Variants in GABPA observed in about 807,000 individuals in gnomAD.
GABPA encodes GA binding protein transcription factor subunit alpha.
A neutral mutation model predicts 59.4 loss-of-function variants in GABPA; 4 were observed. That is an observed-to-expected ratio of 0.07 (90% CI 0.03 to 0.15). GABPA has a LOEUF of 0.15. Among genes scored for constraint, GABPA ranks in the 10% least tolerant of loss-of-function variants. The pLI, the probability that GABPA is intolerant of heterozygous loss-of-function variation, is 1.00. For missense variants in GABPA, 251 were observed against 543.8 expected, an observed-to-expected ratio of 0.46 and a Z score of 5.36; for synonymous variants, 164 against 183.1, an observed-to-expected ratio of 0.90 and a Z score of 0.84.
intron 7 of GABPA, among the ~76,000 whole-genome samples, chr21:25,763,698 G>A (rs955469146): frequency 4.6e-5 from 7 of 152,076 alleles, no homozygotes; most frequent in Non-Finnish European, 1.0e-4. Flanking sequence ...ACTTGCAGCT[G>A]TTTCATTCAT....
chr21:25,764,161 TCC>T, intron 7 of GABPA, 47 bp from the exon 8 acceptor site: 1 of 1,500,968 alleles, frequency 6.7e-7, no homozygotes, highest in Non-Finnish European at 8.9e-7. Context: ...TTTTTTTTTT[TCC>T]TGCTTGTATT....
chr21:25,736,464 C>T (rs1433147861), intron 1 of GABPA, among the ~76,000 whole-genome samples: 2 of 152,242 alleles, frequency 1.3e-5, no homozygotes, highest in East Asian at 3.9e-4. Flanking sequence ...ACTAGCCTGT[C>T]TCTCAGGGTT....
chr21:25,746,571 A>C (rs1387242592), intron 3 of GABPA, among the ~76,000 whole-genome samples: 1 of 152,170 alleles, frequency 6.6e-6, no homozygotes, highest in Non-Finnish European at 1.5e-5. Context: ...TTTTAACCAT[A>C]CTTTAATCTT....
At chr21:25,748,388 T>C (rs1385970997) in intron 3 of GABPA, among the ~76,000 whole-genome samples, 3 of 152,238 alleles carry the variant, frequency 2.0e-5, no homozygotes, top group Admixed American at 6.5e-5. Context: ...TTTAAGCTGA[T>C]GACAGAAAGT....
In GABPA at chr21:25,741,655, A is replaced by G. The variant is rs756911460; in HGVS notation, c.57A>G (p.Lys19=). The change falls in exon 2 of 10, where the codon AAA becomes AAG. Residue 19 remains lysine (K), a synonymous_variant. Coordinates refer to ENST00000400075, the MANE Select transcript of GABPA (RefSeq NM_002040.4). ...LIEIEIDGTE[K]AECTEESIVE... is the part of the protein sequence containing the mutation. ...AAATTGAGATTGATGGAACAGAGAAAGCAGAGTGCACAGAAGAAAGGTTGG... is the reference window on the plus strand; with the variant it reads ...AAATTGAGATTGATGGAACAGAGAAGGCAGAGTGCACAGAAGAAAGGTTGG... 8 of 1,612,092 alleles carry G rather than the reference A, an allele frequency of 5.0e-6. No homozygotes were observed. The East Asian group carries it at 6.7e-5, about 13-fold the overall frequency.
At chr21:25,753,069 G>A (rs1266253179) in intron 5 of GABPA, among the ~76,000 whole-genome samples, 5 of 152,134 alleles carry the variant, frequency 3.3e-5, no homozygotes, top group Admixed American at 1.3e-4. Context: ...ATAAAAATTG[G>A]TTCCATCATC....
intron 5 of GABPA, among the ~76,000 whole-genome samples, chr21:25,755,895 C>G (rs938528749): frequency 2.0e-5 from 3 of 152,174 alleles, no homozygotes; most frequent in Non-Finnish European, 4.4e-5. Context: ...CAGGAATTCT[C>G]TCACTTCTTA....
intron 6 of GABPA, among the ~76,000 whole-genome samples, chr21:25,760,041 G>A (rs1332685234): frequency 6.6e-6 from 1 of 152,178 alleles, no homozygotes; most frequent in South Asian, 2.1e-4. Flanking sequence ...AGTTGAATGA[G>A]TCTTCCTCAG....
intron 9 of GABPA, 25 bp from the exon 10 acceptor site, chr21:25,768,979 C>CT (rs1164948761): frequency 1.1e-5 from 16 of 1,512,012 alleles, no homozygotes; most frequent in Non-Finnish European, 1.5e-5. Context: ...TCTGAAGTCT[C>CT]TAATTTTTTT....
chr21:25,755,902 C>T (rs2035625369), intron 5 of GABPA, among the ~76,000 whole-genome samples: 1 of 152,172 alleles, frequency 6.6e-6, no homozygotes, highest in African/African-American at 2.4e-5. Context: ...TCTCTCACTT[C>T]TTACTGGCAT....
At position 25,734,990 on chromosome 21, in the gene GABPA, G is replaced by T. The variant is rs769222928; in HGVS notation, c.-615G>T. 5 of 1,554,130 alleles carry T rather than the reference G, an allele frequency of 3.2e-6. No individual in the cohort carries two copies. The highest frequency in any genetic ancestry group is 2.4e-5 in the South Asian group (2 of 84,522). On this transcript the variant is annotated 5_prime_UTR_variant, in exon 1 of 10. Coordinates refer to ENST00000400075, the MANE Select transcript of GABPA (RefSeq NM_002040.4). ...CCGTTTCAGTCGGTCGACGCTCACC[G>T]GACAGGAAGCGTCTCGGAGACAGTC...
chr21:25,744,923 G>A (rs2035322926), intron 2 of GABPA, among the ~76,000 whole-genome samples: 1 of 152,022 alleles, frequency 6.6e-6, no homozygotes, highest in Non-Finnish European at 1.5e-5. Context: ...CAAACATAAT[G>A]TATGTGCAAT....
At chr21:25,744,969 C>T (rs903825455) in intron 2 of GABPA, among the ~76,000 whole-genome samples, 1 of 152,060 alleles carries the variant, frequency 6.6e-6, no homozygotes, top group East Asian at 1.9e-4. Flanking sequence ...TATGTATGTA[C>T]ATACATAATG....
intron 4 of GABPA, among the ~76,000 whole-genome samples, chr21:25,751,113 G>A (rs926242801): frequency 6.6e-6 from 1 of 152,042 alleles, no homozygotes; most frequent in Non-Finnish European, 1.5e-5. Context: ...TGTCATTTTA[G>A]TCTGAGGTTA....
intron 2 of GABPA, among the ~76,000 whole-genome samples, chr21:25,742,722 T>C (rs1377045105): frequency 6.7e-6 from 1 of 148,878 alleles, no homozygotes; most frequent in Non-Finnish European, 1.5e-5. Context: ...AAGACCAGCC[T>C]GGGCAGCATG....
At chr21:25,764,962 G>GT (rs71651639) in intron 9 of GABPA, among the ~76,000 whole-genome samples, 175 bp downstream of exon 9, 2,564 of 147,706 alleles carry the variant, frequency 0.017, 73 homozygotes, top group African/African-American at 0.059. Flanking sequence ...TCGAGGTACA[G>GT]TTTTTTTTTT....
Position 25,734,989 on chromosome 21 carries a change from C to T in GABPA, c.-616C>T, listed in dbSNP as rs889638263. The stretch of plus-strand genomic sequence containing the variant: ...GCCGTTTCAGTCGGTCGACGCTCAC[C>T]GGACAGGAAGCGTCTCGGAGACAGT... On this transcript the variant is annotated 5_prime_UTR_variant, in exon 1 of 10. Coordinates refer to ENST00000400075, the MANE Select transcript of GABPA (RefSeq NM_002040.4). 3.9e-6 allele frequency: 6 copies of T among 1,552,986 alleles called. No individual in the cohort carries two copies. The highest frequency in any genetic ancestry group is 1.7e-4 in the Middle Eastern group (1 of 6,024).
rs1462438138 is a variant in GABPA, at chr21:25,752,303, G to GTT, written c.553+70_553+71insTT. 3 of 1,449,248 alleles carry GTT rather than the reference G, an allele frequency of 2.1e-6. No homozygotes were observed. In the African/African-American group the frequency reaches 4.3e-5, roughly 21 times the overall value. The allele number at this position is 1,449,248 out of a possible 1,614,324, so 89.8% of individuals were successfully genotyped here. On this transcript the variant is annotated intron_variant, in intron 5 of 9. Coordinates refer to ENST00000400075, the MANE Select transcript of GABPA (RefSeq NM_002040.4). Reference sequence around the variant, plus strand: ...TAAGCTTGACATAGAAGACACTAGGGTAAGTTATAATCTATTTTACATGTA... The same window carrying GTT: ...TAAGCTTGACATAGAAGACACTAGGGTTTAAGTTATAATCTATTTTACATGTA...
intron 1 of GABPA, among the ~76,000 whole-genome samples, chr21:25,740,582 T>C (rs2035194888): frequency 6.6e-6 from 1 of 152,246 alleles, no homozygotes; most frequent in Admixed American, 6.5e-5. Flanking sequence ...GTGTATTCTT[T>C]AGCATTTTTA....
Sources: gnomAD v4.1 joint callset for allele counts (sites outside exome capture counted in the v4.1 genomes callset) on GRCh38, gnomAD v4.1.1 for gene constraint, MANE v1.5 for transcripts, NCBI Gene and HGNC (gene_info 2026-07-23, HGNC 2026-07-21) for gene names.